The following PSMC5 variants were observed in gnomAD, a reference collection of about 807,000 sequenced individuals.
PSMC5 encodes 26S proteasome regulatory subunit 8.
PSMC5 carries 11 observed loss-of-function variants against 49.1 expected under a neutral mutation model. The ratio of observed to expected loss-of-function variants is 0.22; its 90% confidence interval spans 0.14 to 0.37. The LOEUF is 0.37. Among genes scored for constraint, PSMC5 ranks in the 10% least tolerant of loss-of-function variants. The pLI is 1.00. For missense variants in PSMC5, 229 were observed against 520.9 expected (o/e 0.44, Z 5.45); for synonymous variants, 206 against 192.2 (o/e 1.07, Z -0.59).
In PSMC5 at chr17:63,830,044, A is replaced by T; in HGVS notation, c.265-89A>T. ...GGGAGACAGGGTTCTGTGTTCTGTC[A>T]AGGTATTGTGGGATTCTCATAGGTC... On this transcript the variant is annotated intron_variant, in intron 4 of 11. Coordinates refer to ENST00000310144, the MANE Select transcript of PSMC5 (RefSeq NM_002805.6). This position sits in a 1 kb window ranked among gnomAD's most constrained non-coding sequence, Gnocchi z 4.0. 2 of 1,570,304 alleles carry T rather than the reference A, an allele frequency of 1.3e-6. No individual in the cohort carries two copies. Among genetic ancestry groups the T allele is most frequent in the Non-Finnish European group, 1.7e-6 (2 of 1,153,710 alleles).
In PSMC5 at chr17:63,830,184, A is replaced by G; in HGVS notation, c.316A>G (p.Asn106Asp). The change falls in exon 5 of 12, where the codon AAT becomes GAT. Residue 106 changes from asparagine (N) to aspartate (D), a missense_variant. This residue lies in a region of PSMC5 where 98 missense variants were observed against 144.0 expected (regional missense o/e 0.68). Coordinates refer to ENST00000310144, the MANE Select transcript of PSMC5 (RefSeq NM_002805.6). The surrounding 1 kb of genome is among the most constrained non-coding windows in gnomAD (Gnocchi z 4.0). ...VVDVDKNIDI[N>D]DVTPNCRVAL... ...AGACGTGGACAAAAACATTGACATC[A>G]ATGATGTGAGTGTAGCAGGTGAGGT... The G allele has an allele frequency of 6.2e-7, 1 of 1,614,146 alleles. No homozygotes were observed. The highest frequency in any genetic ancestry group is 8.5e-7 in the Non-Finnish European group (1 of 1,180,018).
Position 63,830,931 on chromosome 17 carries a change from G to A in PSMC5, c.675G>A (p.Gly225=). 2 of 1,613,994 alleles carry A rather than the reference G, an allele frequency of 1.2e-6. No homozygotes were observed. The highest frequency in any genetic ancestry group is 8.5e-7 in the Non-Finnish European group (1 of 1,179,976). Reference sequence around the variant, plus strand: ...CTGAACTGGTACAGAAATTCATAGGGGAAGGTAACCATGGCTAGCAATGTG... The same window carrying A: ...CTGAACTGGTACAGAAATTCATAGGAGAAGGTAACCATGGCTAGCAATGTG... The part of the protein sequence containing the change: ...SGSELVQKFI[G]EGARMVRELF... The change falls in exon 7 of 12, where the codon GGG becomes GGA. Residue 225 remains glycine (G), a synonymous_variant. Coordinates refer to ENST00000310144, the MANE Select transcript of PSMC5 (RefSeq NM_002805.6). The surrounding 1 kb of genome is among the most constrained non-coding windows in gnomAD (Gnocchi z 4.0).
chr17:63,827,576 TGAGTG>T (rs1329767047), intron 1 of PSMC5, 62 bp downstream of exon 1: 9 of 1,551,002 alleles, frequency 5.8e-6, no homozygotes, highest in Non-Finnish European at 7.8e-6. Context: ...GAGCGTGATC[TGAGTG>T]GAGAGCGGGC....
chr17:63,829,692 ATC>A (rs2040158641), intron 3 of PSMC5, 129 bp downstream of exon 3: 3 of 1,218,548 alleles, frequency 2.5e-6, no homozygotes, highest in Non-Finnish European at 2.3e-6. Context: ...TTTCACATGC[ATC>A]TCTTTTTCCT....
Position 63,831,699 on chromosome 17 carries a change from G to GC in PSMC5, c.1081-23dup. 6.2e-7 allele frequency: 1 copy of GC among 1,613,974 alleles called. No homozygotes were observed. Among genetic ancestry groups the GC allele is most frequent in the South Asian group, 1.1e-5 (1 of 91,080 alleles). Reference sequence around the variant, plus strand: ...CACAGATGAGGGGCACAGCAGTGGGGCCTCAATTTCCTTTTCCTGTTCAGG... The same window carrying GC: ...CACAGATGAGGGGCACAGCAGTGGGGCCCTCAATTTCCTTTTCCTGTTCAGG... On this transcript the variant is annotated intron_variant, in intron 10 of 11. Coordinates refer to ENST00000310144, the MANE Select transcript of PSMC5 (RefSeq NM_002805.6). This position sits in a 1 kb window ranked among gnomAD's most constrained non-coding sequence, Gnocchi z 6.3.
chr17:63,829,471 A>C, intron 2 of PSMC5, 23 bp from the exon 3 acceptor site: 1 of 1,551,128 alleles, frequency 6.4e-7, no homozygotes, highest in Non-Finnish European at 8.7e-7. Context: ...TGAATAATGG[A>C]ATTTGTCTCT....
In PSMC5 at chr17:63,830,176, T is replaced by C. The variant is rs1489822994; in HGVS notation, c.308T>C (p.Ile103Thr). The change falls in exon 5 of 12, where the codon ATT (isoleucine) becomes ACT (threonine). Residue 103 changes from isoleucine (I) to threonine (T), a missense_variant. Physicochemically the swap from Ile to Thr is moderately conservative, Grantham distance 89. This residue lies in a region of PSMC5 where 98 missense variants were observed against 144.0 expected (regional missense o/e 0.68). Coordinates refer to ENST00000310144, the MANE Select transcript of PSMC5 (RefSeq NM_002805.6). The surrounding 1 kb of genome is among the most constrained non-coding windows in gnomAD (Gnocchi z 4.0). ...TTTGTTGTAGACGTGGACAAAAACATTGACATCAATGATGTGAGTGTAGCA... is the reference window on the plus strand; with the variant it reads ...TTTGTTGTAGACGTGGACAAAAACACTGACATCAATGATGTGAGTGTAGCA... Reference protein sequence around the residue: ...GKFVVDVDKNIDINDVTPNCR... With the variant: ...GKFVVDVDKNTDINDVTPNCR... The C allele has an allele frequency of 6.2e-7, 1 of 1,614,172 alleles. No individual in the cohort carries two copies. The highest frequency in any genetic ancestry group is 2.2e-5 in the East Asian group (1 of 44,886).
chr17:63,831,303 TCCCCA>T lies in PSMC5; in HGVS notation c.871-22_871-18del. The T allele has an allele frequency of 6.2e-7, 1 of 1,613,210 alleles. No homozygotes were observed. The highest frequency in any genetic ancestry group is 2.2e-5 in the East Asian group (1 of 44,850). ...CAGGCTGAGGAAGAGGTTTAGCTGA[TCCCCA>T]CTTGCTTTCTCTGCTCAGGTTATCA... On this transcript the variant is annotated intron_variant, in intron 8 of 11. Transcript: ENST00000310144. This position sits in a 1 kb window ranked among gnomAD's most constrained non-coding sequence, Gnocchi z 6.3.
Position 63,829,910 on chromosome 17 carries a change from A to G in PSMC5, c.225A>G (p.Glu75=), listed in dbSNP as rs374448804. 41 of 1,613,374 alleles carry G rather than the reference A, an allele frequency of 2.5e-5. 1 individual carries two copies. In the South Asian group the frequency reaches 3.4e-4, roughly 13 times the overall value. The change falls in exon 4 of 12, where the codon GAA becomes GAG. Residue 75 remains glutamate (E), a synonymous_variant. Coordinates refer to ENST00000310144, the MANE Select transcript of PSMC5 (RefSeq NM_002805.6). ...LLQEQGSYVG[E]VVRAMDKKKV... Reference sequence around the variant, plus strand: ...AGGAGCAGGGCTCCTATGTGGGGGAAGTAGTCCGGGCCATGGATAAGAAGA... The same window carrying G: ...AGGAGCAGGGCTCCTATGTGGGGGAGGTAGTCCGGGCCATGGATAAGAAGA...
chr17:63,827,694 G>T (rs1182266813), intron 1 of PSMC5, 180 bp downstream of exon 1: 12 of 1,453,288 alleles, frequency 8.3e-6, no homozygotes, highest in African/African-American at 1.4e-5. Flanking sequence ...GGTGAGTCAG[G>T]GCAAGGCTGG....
intron 2 of PSMC5, chr17:63,829,078 T>C (rs556496237): frequency 1.7e-5 from 3 of 173,788 alleles, no homozygotes; most frequent in African/African-American, 7.1e-5. Context: ...CATGTGCCGT[T>C]TGGTAACAGA....
intron 3 of PSMC5, 29 bp downstream of exon 3, chr17:63,829,592 G>T: frequency 1.9e-6 from 3 of 1,550,796 alleles, no homozygotes; most frequent in Non-Finnish European, 2.6e-6. Context: ...GAAGCCGCAT[G>T]TGGGCAGTTT....
rs55833669 is a variant in PSMC5, at chr17:63,830,695, C to CTTTT, written c.553-105_553-102dup. 5.9e-5 allele frequency: 74 copies of CTTTT among 1,243,858 alleles called. No individual in the cohort carries two copies. In the African/African-American group the frequency reaches 9.3e-4, roughly 16 times the overall value. The allele number at this position is 1,243,858 out of a possible 1,614,324, so 77.1% of individuals were successfully genotyped here. A position where few individuals can be genotyped will look rare whatever the true frequency, so the allele number is the denominator to read the frequency against. On this transcript the variant is annotated intron_variant, in intron 6 of 11. Coordinates refer to ENST00000310144, the MANE Select transcript of PSMC5 (RefSeq NM_002805.6). This position sits in a 1 kb window ranked among gnomAD's most constrained non-coding sequence, Gnocchi z 4.0. ...TTGGATAGAAGGGACCTTGATGTTC[C>CTTTT]TTTTTTTTTTTTGTATCCCTAACAT...
At chr17:63,827,802 G>A in intron 1 of PSMC5, 1 of 1,429,294 alleles carries the variant, frequency 7.0e-7, no homozygotes. Context: ...CAGTCCTTTG[G>A]CTCCGTTCCG....
intron 2 of PSMC5, chr17:63,829,063 A>T (rs918701951): frequency 1.2e-5 from 2 of 164,830 alleles, no homozygotes; most frequent in Non-Finnish European, 2.6e-5. Context: ...AGCTGATGCT[A>T]TACCCATGTG....
Position 63,830,423 on chromosome 17 carries a change from C to G in PSMC5, c.474C>G (p.Ile158Met). The part of the protein sequence containing the change: ...YEMIGGLDKQ[I>M]KEIKEVIELP... ...TGATTGGTGGACTGGACAAACAGAT[C>G]AAGGAGATCAAAGAAGTGATCGAGC... Residue 158 changes from isoleucine (I) to methionine (M), a missense_variant, in exon 6 of 12, where the codon ATC becomes ATG. Ile to Met is a conservative substitution (Grantham distance 10). Around this residue, in one of 4 missense-constraint regions of PSMC5, gnomAD observed 121 missense variants for 330.6 expected, o/e 0.37. Transcript: ENST00000310144. The surrounding 1 kb of genome is among the most constrained non-coding windows in gnomAD (Gnocchi z 4.0). 1 of 1,614,188 alleles carries G rather than the reference C, an allele frequency of 6.2e-7. No individual in the cohort carries two copies. The highest frequency in any genetic ancestry group is 8.5e-7 in the Non-Finnish European group (1 of 1,180,038).
In PSMC5 at chr17:63,830,047, G is replaced by C. The variant is rs1479601128; in HGVS notation, c.265-86G>C. 5 of 1,572,814 alleles carry C rather than the reference G, an allele frequency of 3.2e-6. No individual in the cohort carries two copies. The highest frequency in any genetic ancestry group is 2.7e-5 in the African/African-American group (2 of 73,946). On this transcript the variant is annotated intron_variant, in intron 4 of 11. Coordinates refer to ENST00000310144, the MANE Select transcript of PSMC5 (RefSeq NM_002805.6). This position sits in a 1 kb window ranked among gnomAD's most constrained non-coding sequence, Gnocchi z 4.0. ...AGACAGGGTTCTGTGTTCTGTCAAGGTATTGTGGGATTCTCATAGGTCTTC... is the reference window on the plus strand; with the variant it reads ...AGACAGGGTTCTGTGTTCTGTCAAGCTATTGTGGGATTCTCATAGGTCTTC...
rs1467130149 is a variant in PSMC5, at chr17:63,829,577, G to A, written c.166+14G>A. ...TAAATGCTAAAGGTGAGTGGAGAAA[G>A]ATGGGAAGCCGCATGTGGGCAGTTT... On this transcript the variant is annotated intron_variant, in intron 3 of 11. Transcript: ENST00000310144. The A allele has an allele frequency of 4.2e-5, 65 of 1,552,664 alleles. No individual in the cohort carries two copies. The highest frequency in any genetic ancestry group is 5.3e-5 in the Non-Finnish European group (61 of 1,147,532).
Position 63,831,314 on chromosome 17 carries a change from T to C in PSMC5, c.871-13T>C. On this transcript the variant is annotated splice_polypyrimidine_tract_variant and intron_variant, in intron 8 of 11. Coordinates refer to ENST00000310144, the MANE Select transcript of PSMC5 (RefSeq NM_002805.6). This position sits in a 1 kb window ranked among gnomAD's most constrained non-coding sequence, Gnocchi z 6.3. ...AGAGGTTTAGCTGATCCCCACTTGC[T>C]TTCTCTGCTCAGGTTATCATGGCTA... 5 of 1,613,680 alleles carry C rather than the reference T, an allele frequency of 3.1e-6. No individual in the cohort carries two copies. The highest frequency in any genetic ancestry group is 4.2e-6 in the Non-Finnish European group (5 of 1,179,826).
Sources: gnomAD v4.1 joint callset for allele counts on GRCh38, gnomAD v4.1.1 for gene constraint, gnomAD v4.1.1 regional missense constraint, Gnocchi (gnomAD v3.1) non-coding constraint, MANE v1.5 for transcripts, NCBI Gene and HGNC (gene_info 2026-07-23, HGNC 2026-07-21) for gene names.